The following CACNA1D variants were observed in gnomAD, a reference collection of about 807,000 sequenced individuals.
CACNA1D encodes the protein voltage-dependent L-type calcium channel subunit alpha-1D.
A neutral mutation model predicts 257.1 loss-of-function variants in CACNA1D; 55 were observed. The observed-to-expected ratio is 0.21, with a 90% CI of 0.17 to 0.27. The LOEUF (loss-of-function observed/expected upper bound fraction) is 0.27, where lower values mean the gene tolerates loss of function less well. Among genes scored for constraint, CACNA1D ranks in the 10% least tolerant of loss-of-function variants. The probability of loss-of-function intolerance (pLI) is 1.00; values close to 1 mark genes in which losing one functional copy is unlikely to be tolerated. For synonymous variants in CACNA1D, 980 were observed against 1,014.9 expected (o/e 0.97, Z 0.65); for missense variants, 1,876 against 2,784.0 (o/e 0.67, Z 7.34).
intron 4 of CACNA1D, among the ~76,000 whole-genome samples, chr3:53,657,617 C>T (rs1317135271): frequency 6.6e-6 from 1 of 152,094 alleles, no homozygotes; most frequent in Non-Finnish European, 1.5e-5. Context: ...AGAAAAACTT[C>T]AGAACATCAG....
chr3:53,748,649 C>T (rs2095194901), intron 26 of CACNA1D, among the ~76,000 whole-genome samples: 2 of 152,124 alleles, frequency 1.3e-5, no homozygotes, highest in Non-Finnish European at 2.9e-5. Context: ...CTGAATATTC[C>T]TATGATGGGG....
chr3:53,718,604 C>CCCCCCCAA, intron 10 of CACNA1D: 1 of 1,144,330 alleles, frequency 8.7e-7, no homozygotes, highest in Non-Finnish European at 1.3e-6. Flanking sequence ...CCCGGCCCAG[C>CCCCCCCAA]ATTTCACATG....
chr3:53,657,785 C>T (rs1190302555), intron 4 of CACNA1D, among the ~76,000 whole-genome samples: 1 of 152,194 alleles, frequency 6.6e-6, no homozygotes, highest in Non-Finnish European at 1.5e-5. Context: ...TGGATTTTTC[C>T]ATTCCAACAG....
chr3:53,619,795 AG>A (rs1344328800), intron 3 of CACNA1D, among the ~76,000 whole-genome samples: 1 of 152,214 alleles, frequency 6.6e-6, no homozygotes, highest in Non-Finnish European at 1.5e-5. Context: ...GTGTAAAAGA[AG>A]GGAAGACATG....
intron 3 of CACNA1D, among the ~76,000 whole-genome samples, chr3:53,649,020 T>G (rs2094056822): frequency 6.6e-6 from 1 of 152,120 alleles, no homozygotes; most frequent in South Asian, 2.1e-4. Flanking sequence ...AAGACTGGGA[T>G]GCATGGCCAT....
At chr3:53,664,903 A>C (rs2094244929) in intron 5 of CACNA1D, among the ~76,000 whole-genome samples, 1 of 152,222 alleles carries the variant, frequency 6.6e-6, no homozygotes, top group Non-Finnish European at 1.5e-5. Context: ...TAAAGGAGAT[A>C]GGGAGAGAGG....
At chr3:53,724,491 G>A (rs1043405183) in intron 14 of CACNA1D, among the ~76,000 whole-genome samples, 2 of 152,180 alleles carry the variant, frequency 1.3e-5, no homozygotes, top group Non-Finnish European at 2.9e-5. Context: ...CTCCTCCTGG[G>A]ATGCAGTGAG....
chr3:53,561,993 G>T (rs2092749309), intron 3 of CACNA1D, among the ~76,000 whole-genome samples: 1 of 152,194 alleles, frequency 6.6e-6, no homozygotes, highest in African/African-American at 2.4e-5. Context: ...GAGGAATGAA[G>T]ACACATTTTG....
At chr3:53,753,522 T>G in intron 28 of CACNA1D, 50 bp from the exon 29 acceptor site, 538 of 1,199,160 alleles carry the variant, frequency 4.5e-4, no homozygotes, top group Non-Finnish European at 6.1e-4. Context: ...TGCAAGCATG[T>G]GAGATCGTGG....
chr3:53,755,082 T>G (rs996116800), intron 29 of CACNA1D, among the ~76,000 whole-genome samples: 1 of 152,214 alleles, frequency 6.6e-6, no homozygotes, highest in Non-Finnish European at 1.5e-5. Flanking sequence ...CTTAATTTCC[T>G]TTGAGATTTT....
chr3:53,753,710 G>A (rs1432655645), intron 29 of CACNA1D, 28 bp downstream of exon 29: 3 of 1,371,778 alleles, frequency 2.2e-6, no homozygotes, highest in East Asian at 2.3e-5. Flanking sequence ...CTTTTCAAAG[G>A]TTGTTGCTGA....
chr3:53,632,519 T>C (rs2093832829), intron 3 of CACNA1D, among the ~76,000 whole-genome samples: 1 of 152,264 alleles, frequency 6.6e-6, no homozygotes, highest in Admixed American at 6.5e-5. Flanking sequence ...CTTCAAGAAC[T>C]TTTGCTTTGC....
chr3:53,659,463 G>A (rs889349962), intron 4 of CACNA1D, among the ~76,000 whole-genome samples: 5 of 152,200 alleles, frequency 3.3e-5, no homozygotes, highest in Non-Finnish European at 7.3e-5. Flanking sequence ...GTGAGACTTT[G>A]AAGTCATTCA....
At chr3:53,597,179 C>G (rs2093381627) in intron 3 of CACNA1D, among the ~76,000 whole-genome samples, 1 of 151,888 alleles carries the variant, frequency 6.6e-6, no homozygotes, top group East Asian at 1.9e-4. Context: ...AGATGGTGTT[C>G]TAGGTGTTAG....
At chr3:53,675,593 A>G (rs1262642991) in intron 8 of CACNA1D, among the ~76,000 whole-genome samples, 1 of 152,106 alleles carries the variant, frequency 6.6e-6, no homozygotes, top group African/African-American at 2.4e-5. Context: ...TGAGGTGCTT[A>G]AAAAAAGAAA....
At chr3:53,660,396 AT>A in intron 5 of CACNA1D, 121 bp downstream of exon 5, 1 of 875,102 alleles carries the variant, frequency 1.1e-6, no homozygotes, top group South Asian at 1.4e-5. Context: ...GCAGATGACC[AT>A]GGCCTCCTTC....
intron 8 of CACNA1D, among the ~76,000 whole-genome samples, chr3:53,696,397 C>A (rs773550691): frequency 6.6e-6 from 1 of 152,198 alleles, no homozygotes; most frequent in Non-Finnish European, 1.5e-5. Context: ...TGTGTGCCCA[C>A]GTGCTGTGAG....
intron 29 of CACNA1D, among the ~76,000 whole-genome samples, chr3:53,758,456 C>T (rs2095280115): frequency 6.6e-6 from 1 of 152,150 alleles, no homozygotes; most frequent in Non-Finnish European, 1.5e-5. Flanking sequence ...ACAAACATTG[C>T]CCCCTTACCA....
At chr3:53,653,770 G>GA (rs536977807) in intron 4 of CACNA1D, among the ~76,000 whole-genome samples, 5 of 151,552 alleles carry the variant, frequency 3.3e-5, no homozygotes, top group Admixed American at 2.0e-4. Flanking sequence ...AGAGGAGACA[G>GA]AAAAAAAATT....
Sources: gnomAD v4.1 joint callset for allele counts (sites outside exome capture counted in the v4.1 genomes callset) on GRCh38, gnomAD v4.1.1 for gene constraint, MANE v1.5 for transcripts, NCBI Gene and HGNC (gene_info 2026-07-23, HGNC 2026-07-21) for gene names.